Variants in ZNF385B observed in about 807,000 individuals in gnomAD.
ZNF385B encodes zinc finger protein 533.
ZNF385B carries 23 observed loss-of-function variants against 39.2 expected under a neutral mutation model. The ratio of observed to expected loss-of-function variants is 0.59; its 90% CI spans 0.42 to 0.83. The LOEUF is 0.83. ZNF385B is among the 40% of genes least tolerant of loss of function. ZNF385B has a pLI of 0.00. For missense variants in ZNF385B, 552 were observed against 598.9 expected (o/e 0.92, Z 0.82); for synonymous variants, 205 against 222.6 (o/e 0.92, Z 0.70).
intron 5 of ZNF385B, among the ~76,000 whole-genome samples, chr2:179,511,771 A>G (rs1026199102): frequency 4.6e-5 from 7 of 152,212 alleles, no homozygotes; most frequent in African/African-American, 1.7e-4. Context: ...ATGAAATGGC[A>G]TGAGGTTGTC....
At chr2:179,567,376 C>A (rs970606219) in intron 3 of ZNF385B, among the ~76,000 whole-genome samples, 1 of 152,174 alleles carries the variant, frequency 6.6e-6, no homozygotes, top group Non-Finnish European at 1.5e-5. Context: ...ACTTTTGCTT[C>A]CACCATCACT....
Position 179,762,251 on chromosome 2 carries a change from G to A in ZNF385B, c.298+7252C>T, listed in dbSNP as rs548993682. 4.5e-4 allele frequency among the ~76,000 whole-genome samples: 68 copies of A among 151,984 alleles called. No individual in the cohort carries two copies. The Middle Eastern group carries it at 0.017, about 38-fold the overall frequency. On this transcript the variant is annotated intron_variant, in intron 3 of 9. Coordinates refer to ENST00000410066, the MANE Select transcript of ZNF385B (RefSeq NM_152520.6). ...GTTGCCCAGGCTGGAGTGCAGTGGCGTGATTTCGGCTCACTGCAACCTCCA... is the reference window on the plus strand; with the variant it reads ...GTTGCCCAGGCTGGAGTGCAGTGGCATGATTTCGGCTCACTGCAACCTCCA...
At position 179,861,096 on chromosome 2, in the gene ZNF385B, C is replaced by T. The variant is rs1053468433; in HGVS notation, c.-155+5G>A. ...GCCGGTCTGGGCTGGGCGCCCAGAGCTTACCTCGGCGCGCGGGCCGCGGGC... is the reference window on the plus strand; with the variant it reads ...GCCGGTCTGGGCTGGGCGCCCAGAGTTTACCTCGGCGCGCGGGCCGCGGGC... On this transcript the variant is annotated splice_donor_5th_base_variant and intron_variant, in intron 1 of 9. Transcript: ENST00000410066. 2 of 158,076 alleles carry T rather than the reference C, an allele frequency of 1.3e-5. No individual in the cohort carries two copies. The highest frequency in any genetic ancestry group is 4.8e-5 in the African/African-American group (2 of 41,386). The allele number at this position is 158,076 out of a possible 1,614,324, so 9.8% of individuals were successfully genotyped here.
At chr2:179,448,137 T>C (rs2049699527) in intron 6 of ZNF385B, among the ~76,000 whole-genome samples, 1 of 152,100 alleles carries the variant, frequency 6.6e-6, no homozygotes. Context: ...TCAGTGACTG[T>C]ACTAAAACTT....
chr2:179,701,098 C>T (rs538456172), intron 3 of ZNF385B, among the ~76,000 whole-genome samples: 1 of 152,244 alleles, frequency 6.6e-6, no homozygotes, highest in African/African-American at 2.4e-5. Flanking sequence ...AACTAAAAAT[C>T]GTTACAATAC....
intron 1 of ZNF385B, among the ~76,000 whole-genome samples, chr2:179,807,413 C>A (rs1013572981): frequency 6.6e-6 from 1 of 151,966 alleles, no homozygotes; most frequent in Admixed American, 6.6e-5. Context: ...GCCTGGCCAA[C>A]ATGGTGAAAC....
At chr2:179,546,111 T>C (rs1303592616) in intron 3 of ZNF385B, among the ~76,000 whole-genome samples, 1 of 152,164 alleles carries the variant, frequency 6.6e-6, no homozygotes, top group Non-Finnish European at 1.5e-5. Flanking sequence ...CATGGTTCAC[T>C]GTAGCCCCGA....
intron 1 of ZNF385B, among the ~76,000 whole-genome samples, chr2:179,791,946 G>A (rs974471652): frequency 6.6e-6 from 1 of 152,132 alleles, no homozygotes; most frequent in Non-Finnish European, 1.5e-5. Context: ...ATTTTTAGTA[G>A]AGGCAGGGTT....
At chr2:179,641,807 T>C (rs895623648) in intron 3 of ZNF385B, among the ~76,000 whole-genome samples, 1 of 152,136 alleles carries the variant, frequency 6.6e-6, no homozygotes, top group Admixed American at 6.6e-5. Flanking sequence ...AGCCCTTTTG[T>C]CCCAGAAGCC....
intron 3 of ZNF385B, among the ~76,000 whole-genome samples, chr2:179,645,149 G>C (rs987088803): frequency 6.6e-6 from 1 of 152,118 alleles, no homozygotes; most frequent in Non-Finnish European, 1.5e-5. Flanking sequence ...CACTTTATTA[G>C]ACTTACAGCA....
intron 3 of ZNF385B, among the ~76,000 whole-genome samples, chr2:179,663,931 C>T (rs1266938451): frequency 6.6e-6 from 1 of 152,002 alleles, no homozygotes; most frequent in African/African-American, 2.4e-5. Context: ...AGTGGTCCTA[C>T]CCAGCTTCCT....
intron 1 of ZNF385B, among the ~76,000 whole-genome samples, chr2:179,848,929 C>T (rs919716694): frequency 3.3e-5 from 5 of 152,150 alleles, no homozygotes; most frequent in East Asian, 3.9e-4. Flanking sequence ...TAGCAGCTAT[C>T]GTTTCTAAGG....
chr2:179,714,039 G>A (rs1700168051), intron 3 of ZNF385B, among the ~76,000 whole-genome samples: 1 of 152,204 alleles, frequency 6.6e-6, no homozygotes, highest in Non-Finnish European at 1.5e-5. Flanking sequence ...ACATTTGAAT[G>A]TTGGAAAGTC....
intron 3 of ZNF385B, among the ~76,000 whole-genome samples, chr2:179,749,667 C>A (rs1702564711): frequency 6.6e-6 from 1 of 152,060 alleles, no homozygotes. Context: ...TGGCTCACTA[C>A]TGAAAACCCT....
rs1212460963 is a variant in ZNF385B, at chr2:179,661,784, C to G, written c.298+107719G>C. Among the ~76,000 whole-genome samples, 4 of 152,210 alleles carry G rather than the reference C, an allele frequency of 2.6e-5. No individual in the cohort carries two copies. In the South Asian group the frequency reaches 8.3e-4, roughly 32 times the overall value. On this transcript the variant is annotated intron_variant, in intron 3 of 9. Coordinates refer to ENST00000410066, the MANE Select transcript of ZNF385B (RefSeq NM_152520.6). ...ACTACCCACAAGGAAGTATTCACGACTGTGGTGGTCAATATCAGTGTGTGC... is the reference window on the plus strand; with the variant it reads ...ACTACCCACAAGGAAGTATTCACGAGTGTGGTGGTCAATATCAGTGTGTGC...
chr2:179,696,326 C>CT (rs71029828), intron 3 of ZNF385B, among the ~76,000 whole-genome samples: 4,984 of 39,974 alleles, frequency 0.12, 1,771 homozygotes, highest in East Asian at 0.21. Flanking sequence ...CAAACTGGGA[C>CT]TTTTTTTTTT....
chr2:179,812,118 A>G (rs1283763468), intron 1 of ZNF385B, among the ~76,000 whole-genome samples: 1 of 152,146 alleles, frequency 6.6e-6, no homozygotes, highest in Non-Finnish European at 1.5e-5. Flanking sequence ...CAGAACGGCT[A>G]TTATTAAAAA....
chr2:179,852,312 C>A (rs1418738564), intron 1 of ZNF385B, among the ~76,000 whole-genome samples: 1 of 152,188 alleles, frequency 6.6e-6, no homozygotes, highest in African/African-American at 2.4e-5. Flanking sequence ...AGAGACACTG[C>A]TGACATTCAA....
intron 1 of ZNF385B, among the ~76,000 whole-genome samples, chr2:179,808,256 T>C (rs1559213658): frequency 6.6e-6 from 1 of 152,152 alleles, no homozygotes; most frequent in Non-Finnish European, 1.5e-5. Flanking sequence ...ATGGTCTCGA[T>C]CTCCTGACCT....
Sources: gnomAD v4.1 joint callset for allele counts (sites outside exome capture counted in the v4.1 genomes callset) on GRCh38, gnomAD v4.1.1 for gene constraint, MANE v1.5 for transcripts, NCBI Gene and HGNC (gene_info 2026-07-23, HGNC 2026-07-21) for gene names.